The following NRXN1 variants were observed in gnomAD, a reference collection of about 807,000 sequenced individuals.
NRXN1 encodes neurexin-1.
Under a neutral mutation model 150.9 loss-of-function variants are expected in NRXN1, and 39 were observed. The observed-to-expected ratio is 0.26, with a 90% CI of 0.20 to 0.34. The LOEUF is 0.34. NRXN1 is among the 10% of genes least tolerant of loss of function. NRXN1 has a pLI of 1.00. For synonymous variants in NRXN1, 924 were observed against 757.0 expected (o/e 1.22, Z -3.62); for missense variants, 1,815 against 1,949.9 (o/e 0.93, Z 1.30).
At chr2:50,841,905 C>G (rs1005354102) in intron 5 of NRXN1, among the ~76,000 whole-genome samples, 10 of 152,224 alleles carry the variant, frequency 6.6e-5, no homozygotes, top group Non-Finnish European at 1.5e-4. Context: ...TGAATAAATT[C>G]TTTGTCATTT....
intron 5 of NRXN1, among the ~76,000 whole-genome samples, chr2:50,766,954 A>T (rs1428819324): frequency 6.6e-6 from 1 of 152,120 alleles, no homozygotes; most frequent in Non-Finnish European, 1.5e-5. Context: ...ATGGGAAAAT[A>T]ATTTTTAAAC....
At chr2:50,938,415 T>G (rs1294472693) in intron 2 of NRXN1, among the ~76,000 whole-genome samples, 2 of 152,112 alleles carry the variant, frequency 1.3e-5, no homozygotes, top group South Asian at 2.1e-4. Flanking sequence ...TCAGTATTTT[T>G]GTCAGAACCA....
intron 18 of NRXN1, among the ~76,000 whole-genome samples, chr2:50,203,222 A>T (rs895640021): frequency 2.0e-5 from 3 of 152,166 alleles, no homozygotes; most frequent in African/African-American, 7.2e-5. Flanking sequence ...GAAGTCAAAG[A>T]GGAATAGCTA....
intron 5 of NRXN1, among the ~76,000 whole-genome samples, chr2:50,762,314 G>C (rs911408640): frequency 3.3e-5 from 5 of 151,758 alleles, no homozygotes; most frequent in Admixed American, 6.6e-5. Flanking sequence ...GCTCTAAGAG[G>C]TCATGTACTT....
chr2:50,895,555 GT>G (rs919350820), intron 5 of NRXN1, among the ~76,000 whole-genome samples: 2 of 147,016 alleles, frequency 1.4e-5, no homozygotes, highest in Admixed American at 6.8e-5. Context: ...GAGCTATTTT[GT>G]TTTTTTTGGT....
chr2:50,900,535 G>A (rs189441347), intron 5 of NRXN1, among the ~76,000 whole-genome samples: 75 of 152,188 alleles, frequency 4.9e-4, no homozygotes, highest in African/African-American at 1.6e-3. Flanking sequence ...GTGGGAAGGC[G>A]GGTACAAGTA....
At chr2:50,111,884 T>C (rs901212850) in intron 18 of NRXN1, among the ~76,000 whole-genome samples, 2 of 152,222 alleles carry the variant, frequency 1.3e-5, no homozygotes, top group Admixed American at 1.3e-4. Context: ...GCTTAGATGC[T>C]AATGGACCTT....
chr2:50,224,693 A>AAGAGAGAG lies in NRXN1; in HGVS notation c.3546+12088_3546+12095dup, dbSNP rs201700032. Among the ~76,000 whole-genome samples the AAGAGAGAG allele has an allele frequency of 6.9e-3, 905 of 130,424 alleles. 7 individuals carry two copies. The highest frequency in any genetic ancestry group is 0.013 in the South Asian group (48 of 3,800). 85.6% of individuals were successfully genotyped at this position (130,424 alleles called of 152,430 possible). ...GATTAAAGAGAGAGAGAGAGGGAGAAAGAGAGAGAGAGAGAGAGAGAGAGA... is the reference window on the plus strand; with the variant it reads ...GATTAAAGAGAGAGAGAGAGGGAGAAAGAGAGAGAGAGAGAGAGAGAGAGAGAGAGAGA... On this transcript the variant is annotated intron_variant, in intron 18 of 22. Coordinates refer to ENST00000401669, the MANE Select transcript of NRXN1 (RefSeq NM_001330078.2).
intron 13 of NRXN1, among the ~76,000 whole-genome samples, chr2:50,502,054 A>G (rs1036669809): frequency 5.3e-5 from 8 of 152,160 alleles, no homozygotes; most frequent in African/African-American, 1.9e-4. Context: ...TCAAGTGGCC[A>G]CTAGGATATT....
At chr2:50,930,642 C>A (rs1238949871) in intron 2 of NRXN1, among the ~76,000 whole-genome samples, 1 of 152,152 alleles carries the variant, frequency 6.6e-6, no homozygotes, top group Non-Finnish European at 1.5e-5. Context: ...TGAGAGTTAA[C>A]ATTTCAACAT....
At chr2:50,938,434 G>C (rs890002281) in intron 2 of NRXN1, among the ~76,000 whole-genome samples, 9 of 152,110 alleles carry the variant, frequency 5.9e-5, no homozygotes, top group Non-Finnish European at 5.9e-5. Flanking sequence ...CATTCAACAA[G>C]ACTCTAGGAA....
intron 12 of NRXN1, among the ~76,000 whole-genome samples, chr2:50,524,126 C>G (rs1423712972): frequency 6.6e-6 from 1 of 152,078 alleles, no homozygotes; most frequent in Non-Finnish European, 1.5e-5. Flanking sequence ...CCACATAATG[C>G]AAACAAAACA....
intron 5 of NRXN1, among the ~76,000 whole-genome samples, chr2:50,680,155 T>C (rs1257282471): frequency 2.0e-5 from 3 of 151,958 alleles, no homozygotes; most frequent in African/African-American, 4.8e-5. Flanking sequence ...GTCTCAAAAA[T>C]TGAATTTAGG....
chr2:50,606,253 A>AT (rs1677104538), intron 8 of NRXN1, among the ~76,000 whole-genome samples: 1 of 150,442 alleles, frequency 6.6e-6, no homozygotes, highest in South Asian at 2.1e-4. Flanking sequence ...TGTTTCAGAA[A>AT]AAAAAAAAAA....
intron 5 of NRXN1, among the ~76,000 whole-genome samples, chr2:50,718,266 T>G (rs1301413828): frequency 6.6e-6 from 1 of 152,134 alleles, no homozygotes; most frequent in East Asian, 1.9e-4. Context: ...ATATAAATCT[T>G]GGGCATAAGT....
chr2:50,758,027 T>C (rs1462944226), intron 5 of NRXN1: 1 of 151,800 alleles, frequency 6.6e-6, no homozygotes, highest in African/African-American at 2.4e-5. Context: ...ATATGTAATT[T>C]AGAATGGATT....
chr2:50,803,750 T>TA (rs1559285951), intron 5 of NRXN1, among the ~76,000 whole-genome samples: 1 of 152,186 alleles, frequency 6.6e-6, no homozygotes, highest in Non-Finnish European at 1.5e-5. Context: ...AAGGGATACT[T>TA]ACGTTCAAGA....
At chr2:49,994,104 CAG>C (rs1340408983) in intron 21 of NRXN1, among the ~76,000 whole-genome samples, 4 of 152,260 alleles carry the variant, frequency 2.6e-5, no homozygotes, top group Non-Finnish European at 2.9e-5. Flanking sequence ...CCTTCACAAG[CAG>C]AGTCTCTCAG....
chr2:50,260,277 T>C (rs1405264378), intron 17 of NRXN1, among the ~76,000 whole-genome samples: 23 of 151,752 alleles, frequency 1.5e-4, no homozygotes, highest in Non-Finnish European at 1.5e-5. Flanking sequence ...CTATTGAAAA[T>C]TTTCATGATT....
Sources: gnomAD v4.1 joint callset for allele counts (sites outside exome capture counted in the v4.1 genomes callset) on GRCh38, gnomAD v4.1.1 for gene constraint, MANE v1.5 for transcripts, NCBI Gene and HGNC (gene_info 2026-07-23, HGNC 2026-07-21) for gene names.